RGPD1: variants seen among roughly 807,000 people sequenced by gnomAD.
RGPD1 encodes the protein RANBP2 like and GRIP domain containing 1.
Under a neutral mutation model 40.6 loss-of-function variants are expected in RGPD1, and 7 were observed. The ratio of observed to expected loss-of-function variants is 0.17; its 90% CI spans 0.10 to 0.32. The LOEUF is 0.32. Ranked by LOEUF, RGPD1 falls within the 10% of genes least tolerant of loss-of-function variation. The pLI is 1.00. For missense variants in RGPD1, 50 were observed against 472.5 expected (o/e 0.11, Z 8.29); for synonymous variants, 24 against 167.0 (o/e 0.14, Z 6.60).
upstream of RGPD1, chr2:86,913,668 C>T (rs1022893339): frequency 1.4e-5 from 18 of 1,266,606 alleles, no homozygotes; most frequent in East Asian, 7.1e-5. Flanking sequence ...AGAGCCCGGC[C>T]GAGTGCAGCT....
At chr2:86,978,110 G>A (rs1681343788) in intron 17 of RGPD1, among the ~76,000 whole-genome samples, 179 bp downstream of exon 17, 2 of 124,148 alleles carry the variant, frequency 1.6e-5, no homozygotes, top group Admixed American at 7.5e-5. Context: ...TGTGCAGGCT[G>A]CAGTACAGTG....
At chr2:86,929,808 C>T (rs1328226682) in intron 1 of RGPD1, among the ~76,000 whole-genome samples, 1 of 143,608 alleles carries the variant, frequency 7.0e-6, no homozygotes, top group Non-Finnish European at 1.5e-5. Context: ...TGCCCCTCTC[C>T]TCAGGGCTCC....
At chr2:86,931,645 T>C (rs1000590871) in intron 1 of RGPD1, among the ~76,000 whole-genome samples, 22 of 152,000 alleles carry the variant, frequency 1.4e-4, no homozygotes, top group Non-Finnish European at 2.6e-4. Context: ...TTAACATTAT[T>C]ACTTCAGATA....
chr2:86,931,765 A>G (rs1314603429), intron 1 of RGPD1, among the ~76,000 whole-genome samples: 1 of 150,606 alleles, frequency 6.6e-6, no homozygotes, highest in Non-Finnish European at 1.5e-5. Flanking sequence ...ACATAAAACT[A>G]CATAAAAATC....
rs1681087523 is a variant in RGPD1 at position 86,964,299 on chromosome 2, T to TC, written c.975+1078dup. ...ACCTAGTCATCCACCTGCCTCGGCC[T>TC]CCCAAAGTGCTGGGATTTACAAGCG... On this transcript the variant is annotated intron_variant, in intron 7 of 22. Transcript: ENST00000641458. 2.1e-5 allele frequency among the ~76,000 whole-genome samples: 2 copies of TC among 94,088 alleles called. 1 individual carries two copies. Among genetic ancestry groups the TC allele is most frequent in the Non-Finnish European group, 4.1e-5 (2 of 49,166 alleles). 61.7% of individuals were successfully genotyped at this position (94,088 alleles called of 152,430 possible).
chr2:86,941,558 A>C (rs1409230029), upstream of RGPD1, among the ~76,000 whole-genome samples: 2 of 150,210 alleles, frequency 1.3e-5, no homozygotes, highest in African/African-American at 4.9e-5. Context: ...GGCTGTTCCT[A>C]TATACACAGT....
chr2:86,929,922 C>T (rs372673266), intron 1 of RGPD1, among the ~76,000 whole-genome samples: 2 of 139,946 alleles, frequency 1.4e-5, no homozygotes, highest in African/African-American at 2.5e-5. Flanking sequence ...TCCACCCTCT[C>T]AAAACTACTT....
chr2:86,943,270 C>T (rs1680053893), intron 1 of RGPD1, among the ~76,000 whole-genome samples: 2 of 136,128 alleles, frequency 1.5e-5, no homozygotes, highest in South Asian at 2.5e-4. Flanking sequence ...ACTCACCTCC[C>T]TCGCCCCCCC....
At chr2:86,936,952 C>CT (rs1679395934) in intron 1 of RGPD1, among the ~76,000 whole-genome samples, 1 of 120,272 alleles carries the variant, frequency 8.3e-6, no homozygotes, top group Non-Finnish European at 1.7e-5. Context: ...AGGGTCAACA[C>CT]TTTTGAGTGC....
At chr2:86,929,563 G>A (rs1315629331) in intron 1 of RGPD1, among the ~76,000 whole-genome samples, 1 of 149,466 alleles carries the variant, frequency 6.7e-6, no homozygotes, top group Non-Finnish European at 1.5e-5. Flanking sequence ...ACAACCCTGG[G>A]AAATAGGTCC....
At chr2:86,939,533 T>G (rs1346621566), upstream of RGPD1, among the ~76,000 whole-genome samples, 2 of 141,522 alleles carry the variant, frequency 1.4e-5, no homozygotes, top group Admixed American at 1.4e-4. Context: ...GAGCCGAGAT[T>G]GCGCCACTGG....
At chr2:86,913,664 C>T (rs889949605), upstream of RGPD1, 85 of 1,237,836 alleles carry the variant, frequency 6.9e-5, no homozygotes, top group Non-Finnish European at 4.7e-5. Context: ...GCCAAGAGCC[C>T]GGCCGAGTGC....
At chr2:86,914,148 G>GCGGCGGCCTCGGCCTCGGCCTGGCCGGA (rs1677609454) in intron 1 of RGPD1, among the ~76,000 whole-genome samples, 2 of 91,354 alleles carry the variant, frequency 2.2e-5, no homozygotes, top group African/African-American at 9.2e-5. Flanking sequence ...GGCGGCGGCG[G>GCGGCGGCCTCGGCCTCGGCCTGGCCGGA]CGGCGGCGGC....
chr2:86,943,690 A>G (rs1680099372), intron 1 of RGPD1, among the ~76,000 whole-genome samples: 4 of 152,306 alleles, frequency 2.6e-5, no homozygotes, highest in East Asian at 1.9e-4. Context: ...AGTGTTAGCT[A>G]CAAGTCACTG....
rs1479663898 is a variant in RGPD1, at chr2:86,942,443, C to T, written c.72+135C>T. The T allele has an allele frequency of 3.7e-6, 3 of 810,994 alleles. 1 individual carries two copies. The highest frequency in any genetic ancestry group is 1.8e-5 in the African/African-American group (1 of 56,218). 50.2% of individuals were successfully genotyped at this position (810,994 alleles called of 1,614,324 possible). On this transcript the variant is annotated intron_variant, in intron 1 of 22. Transcript: ENST00000641458. ...GTCATGGCTCCCGACGGGCGCTGCTCCCTGGCGCGCTCTGTTGAGGCGCCG... is the reference window on the plus strand; with the variant it reads ...GTCATGGCTCCCGACGGGCGCTGCTTCCTGGCGCGCTCTGTTGAGGCGCCG...
At chr2:86,928,731 T>C (rs1170776516) in intron 1 of RGPD1, among the ~76,000 whole-genome samples, 1 of 152,160 alleles carries the variant, frequency 6.6e-6, no homozygotes, top group African/African-American at 2.4e-5. Context: ...AATGAGAAAG[T>C]AGACAGGCAC....
chr2:86,942,057 A>G (rs1418458706), upstream of RGPD1, among the ~76,000 whole-genome samples: 2 of 151,424 alleles, frequency 1.3e-5, no homozygotes, highest in Non-Finnish European at 3.0e-5. Flanking sequence ...AGCCCGGCCG[A>G]GTGCAGCTCG....
intron 22 of RGPD1, among the ~76,000 whole-genome samples, chr2:86,998,549 A>C (rs1356195337): frequency 9.5e-6 from 1 of 105,624 alleles, no homozygotes; most frequent in Non-Finnish European, 2.0e-5. Context: ...AAAAAAAAAA[A>C]AAAAAAAAAA....
At chr2:87,009,023 A>C (rs1682153580) in intron 22 of RGPD1, among the ~76,000 whole-genome samples, 1 of 150,118 alleles carries the variant, frequency 6.7e-6, no homozygotes, top group South Asian at 2.1e-4. Context: ...AAGAGAAAGA[A>C]AGCCAGGCAT....
Sources: allele counts gnomAD v4.1 joint callset (sites outside exome capture counted in the v4.1 genomes callset), GRCh38; gene constraint gnomAD v4.1.1; transcripts MANE v1.5; gene names NCBI Gene and HGNC (gene_info 2026-07-23, HGNC 2026-07-21).